The following TOP1 variants were observed in gnomAD, a reference collection of about 807,000 sequenced individuals.
The protein encoded by TOP1 is DNA topoisomerase I.
In TOP1, 10 loss-of-function variants were observed where a neutral mutation model predicts 111.1. The observed-to-expected ratio is 0.09, with a 90% CI of 0.06 to 0.15. The LOEUF is 0.15. Among genes scored for constraint, TOP1 ranks in the 10% least tolerant of loss-of-function variants. TOP1 has a pLI of 1.00. For synonymous variants in TOP1, 271 were observed against 302.9 expected (o/e 0.89, Z 1.10); for missense variants, 474 against 926.7 (o/e 0.51, Z 6.34).
intron 13 of TOP1, among the ~76,000 whole-genome samples, chr20:41,108,542 A>G (rs1319804323): frequency 6.6e-6 from 1 of 152,224 alleles, no homozygotes; most frequent in Admixed American, 6.5e-5. Flanking sequence ...TGAGAACCAC[A>G]ATAACACTTG....
chr20:41,080,077 C>G lies in TOP1; in HGVS notation c.336-8C>G. The G allele has an allele frequency of 6.3e-7, 1 of 1,586,556 alleles. No homozygotes were observed. The highest frequency in any genetic ancestry group is 2.2e-5 in the East Asian group (1 of 44,514). ...AGCACTCTGACCAGCAATTTTTTTT[C>G]TCTTTAGTCCACCACAAATTAAAGA... On this transcript the variant is annotated splice_region_variant and splice_polypyrimidine_tract_variant and intron_variant, in intron 5 of 20. Transcript: ENST00000361337. This position sits in a 1 kb window ranked among gnomAD's most constrained non-coding sequence, Gnocchi z 5.0.
At position 41,028,822 on chromosome 20, in the gene TOP1, C is replaced by G; in HGVS notation, c.-246C>G. On this transcript the variant is annotated 5_prime_UTR_variant, in exon 1 of 21. Transcript: ENST00000361337. ...AGCGGCCGCGCAGGCGCAGTGAGCC[C>G]AAATGCGAACTTAGGCTGTTACACA... 1.9e-6 allele frequency: 1 copy of G among 517,602 alleles called. No homozygotes were observed. The highest frequency in any genetic ancestry group is 2.4e-5 in the South Asian group (1 of 41,828). 32.1% of individuals were successfully genotyped at this position (517,602 alleles called of 1,614,324 possible).
chr20:41,052,351 G>A (rs2033416492), intron 2 of TOP1, among the ~76,000 whole-genome samples: 1 of 152,210 alleles, frequency 6.6e-6, no homozygotes, highest in South Asian at 2.1e-4. Context: ...GTTTGAACAT[G>A]TTTATCAAAG....
chr20:41,061,263 A>G lies in TOP1; in HGVS notation c.59-131A>G, dbSNP rs1444601336. ...CTTCTTTGTGAAAGCTTTTTTTTTC[A>G]GTGGCATGTGCTATTATGCCTACCA... On this transcript the variant is annotated intron_variant, in intron 2 of 20. Coordinates refer to ENST00000361337, the MANE Select transcript of TOP1 (RefSeq NM_003286.4). This position sits in a 1 kb window ranked among gnomAD's most constrained non-coding sequence, Gnocchi z 4.6. The G allele has an allele frequency of 4.1e-6, 3 of 739,714 alleles. No homozygotes were observed. Among genetic ancestry groups the G allele is most frequent in the Non-Finnish European group, 6.3e-6 (3 of 476,874 alleles). 45.8% of individuals were successfully genotyped at this position (739,714 alleles called of 1,614,324 possible). A position where few individuals can be genotyped will look rare whatever the true frequency, so the allele number is the denominator to read the frequency against.
rs564253901 is a variant in TOP1 at position 41,058,059 on chromosome 20, C to G, written c.59-3335C>G. Among the ~76,000 whole-genome samples, 1 of 152,288 alleles carries G rather than the reference C, an allele frequency of 6.6e-6. No individual in the cohort carries two copies. The highest frequency in any genetic ancestry group is 2.1e-4 in the South Asian group (1 of 4,828). Reference sequence around the variant, plus strand: ...TGTATGCTGCATGGAAGATTGAGTTCAAATCCTACTTCTGACACCATATGA... The same window carrying G: ...TGTATGCTGCATGGAAGATTGAGTTGAAATCCTACTTCTGACACCATATGA... On this transcript the variant is annotated intron_variant, in intron 2 of 20. Transcript: ENST00000361337. This position sits in a 1 kb window ranked among gnomAD's most constrained non-coding sequence, Gnocchi z 4.2.
rs765078782 is a variant in TOP1, at chr20:41,100,282, G to T, written c.1163+39G>T. 15 of 1,550,166 alleles carry T rather than the reference G, an allele frequency of 9.7e-6. No homozygotes were observed. In the Admixed American group the frequency reaches 1.4e-4, roughly 15 times the overall value. The stretch of plus-strand genomic sequence containing the variant: ...TCATCCTATGGGCCAAAAAGGGGGT[G>T]GAGGGCGTCCTTTATTGTACTTGGG... On this transcript the variant is annotated intron_variant, in intron 12 of 20. Transcript: ENST00000361337. The surrounding 1 kb of genome is among the most constrained non-coding windows in gnomAD (Gnocchi z 4.4).
At chr20:41,031,609 A>G (rs749166817) in intron 2 of TOP1, among the ~76,000 whole-genome samples, 15 of 152,218 alleles carry the variant, frequency 9.9e-5, no homozygotes, top group Non-Finnish European at 1.3e-4. Flanking sequence ...AGCTCTTTCC[A>G]TGGATCATCT....
In TOP1 at chr20:41,115,480, C is replaced by CAT. The variant is rs1386819496; in HGVS notation, c.1707+42_1707+43insTA. The CAT allele has an allele frequency of 6.9e-7, 1 of 1,452,968 alleles. No individual in the cohort carries two copies. The highest frequency in any genetic ancestry group is 9.7e-7 in the Non-Finnish European group (1 of 1,033,944). The allele number at this position is 1,452,968 out of a possible 1,614,324, so 90.0% of individuals were successfully genotyped here. A position where few individuals can be genotyped will look rare whatever the true frequency, so the allele number is the denominator to read the frequency against. ...ACACAATGTTGAAGGGAGTCCCAGC[C>CAT]AGAGCCTCACAGTACCTAAAGGGGA... On this transcript the variant is annotated intron_variant, in intron 16 of 20. Transcript: ENST00000361337. This position sits in a 1 kb window ranked among gnomAD's most constrained non-coding sequence, Gnocchi z 6.3.
intron 2 of TOP1, among the ~76,000 whole-genome samples, chr20:41,057,063 C>T (rs1442341078): frequency 2.0e-5 from 3 of 152,012 alleles, no homozygotes; most frequent in East Asian, 1.9e-4. Context: ...CTCAGGAGTT[C>T]GAGACCAGCC....
chr20:41,065,964 G>GA (rs913662003), intron 3 of TOP1, among the ~76,000 whole-genome samples: 33 of 149,398 alleles, frequency 2.2e-4, no homozygotes, highest in East Asian at 2.0e-3. Flanking sequence ...GATGTGGTGT[G>GA]AAAAAAAAAA....
intron 2 of TOP1, among the ~76,000 whole-genome samples, chr20:41,036,382 A>G (rs2033185529): frequency 6.6e-6 from 1 of 152,216 alleles, no homozygotes; most frequent in Non-Finnish European, 1.5e-5. Flanking sequence ...AAAAATCGAG[A>G]TAAGTCCCTG....
At position 41,116,156 on chromosome 20, in the gene TOP1, C is replaced by A. The variant is rs989440666; in HGVS notation, c.1708-122C>A. 6 of 631,364 alleles carry A rather than the reference C, an allele frequency of 9.5e-6. No homozygotes were observed. The highest frequency in any genetic ancestry group is 1.7e-5 in the Non-Finnish European group (6 of 353,036). The allele number at this position is 631,364 out of a possible 1,614,324, so 39.1% of individuals were successfully genotyped here. On this transcript the variant is annotated intron_variant, in intron 16 of 20. Transcript: ENST00000361337. This position sits in a 1 kb window ranked among gnomAD's most constrained non-coding sequence, Gnocchi z 5.6. Reference sequence around the variant, plus strand: ...AATTCTTTTCCTCTTTCCCTAACTTCCCACTTGTAGGGCAATAAACTTGAC... The same window carrying A: ...AATTCTTTTCCTCTTTCCCTAACTTACCACTTGTAGGGCAATAAACTTGAC...
chr20:41,056,106 C>T (rs1166900489), intron 2 of TOP1, among the ~76,000 whole-genome samples: 1 of 152,170 alleles, frequency 6.6e-6, no homozygotes, highest in Non-Finnish European at 1.5e-5. Context: ...CCACCACCAC[C>T]AGAGAGTATT....
Position 41,034,883 on chromosome 20 carries a change from C to T in TOP1, c.58+5428C>T, listed in dbSNP as rs1374443533. Among the ~76,000 whole-genome samples the T allele has an allele frequency of 6.0e-5, 9 of 149,072 alleles. No individual in the cohort carries two copies. The Admixed American group carries it at 6.0e-4, about 10-fold the overall frequency. The stretch of plus-strand genomic sequence containing the variant: ...TTTTAATTTTAACTTCTTTCCTTTA[C>T]TTTTTTTTTGGGCGGGGTGGGGGGC... On this transcript the variant is annotated intron_variant, in intron 2 of 20. Transcript: ENST00000361337. This position sits in a 1 kb window ranked among gnomAD's most constrained non-coding sequence, Gnocchi z 4.0.
rs976863356 is a variant in TOP1 at position 41,102,920 on chromosome 20, T to A, written c.1308+1567T>A. On this transcript the variant is annotated intron_variant, in intron 13 of 20. Coordinates refer to ENST00000361337, the MANE Select transcript of TOP1 (RefSeq NM_003286.4). This position sits in a 1 kb window ranked among gnomAD's most constrained non-coding sequence, Gnocchi z 4.0. ...CAGCACCTTAGAGATCAACAATAAC[T>A]TTATGAAGAAAAGTAGGTTATGGTT... Among the ~76,000 whole-genome samples the A allele has an allele frequency of 3.3e-5, 5 of 152,152 alleles. No individual in the cohort carries two copies. Among genetic ancestry groups the A allele is most frequent in the African/African-American group, 1.2e-4 (5 of 41,434 alleles).
At chr20:41,091,552 C>CTTTTTTT (rs532948716) in intron 8 of TOP1, among the ~76,000 whole-genome samples, 15 of 96,208 alleles carry the variant, frequency 1.6e-4, no homozygotes, top group Non-Finnish European at 1.7e-4. Context: ...AATTATTAAC[C>CTTTTTTT]TTTTTTTTTT....
chr20:41,092,124 A>G lies in TOP1; in HGVS notation c.615-348A>G, dbSNP rs1352293139. ...CCTTTTCCTTACAAACAATGTAAAC[A>G]ATCCCTCTGTCATGTATGCCATTGT... On this transcript the variant is annotated intron_variant, in intron 8 of 20. Coordinates refer to ENST00000361337, the MANE Select transcript of TOP1 (RefSeq NM_003286.4). The surrounding 1 kb of genome is among the most constrained non-coding windows in gnomAD (Gnocchi z 4.3). 6.6e-6 allele frequency among the ~76,000 whole-genome samples: 1 copy of G among 152,220 alleles called. No homozygotes were observed. The highest frequency in any genetic ancestry group is 1.5e-5 in the Non-Finnish European group (1 of 68,038).
chr20:41,044,534 A>C (rs2122600695), intron 2 of TOP1, among the ~76,000 whole-genome samples: 1 of 152,338 alleles, frequency 6.6e-6, no homozygotes, highest in South Asian at 2.1e-4. Context: ...CTGATTCTCC[A>C]GAGGTTCTGT....
chr20:41,084,218 C>T (rs2033820691), intron 7 of TOP1, among the ~76,000 whole-genome samples: 1 of 152,036 alleles, frequency 6.6e-6, no homozygotes, highest in Non-Finnish European at 1.5e-5. Context: ...CCAGTCTCTT[C>T]CCCTGCAGAG....
Sources: allele counts gnomAD v4.1 joint callset (sites outside exome capture counted in the v4.1 genomes callset), GRCh38; gene constraint gnomAD v4.1.1; non-coding constraint Gnocchi (gnomAD v3.1); transcripts MANE v1.5; gene names NCBI Gene and HGNC (gene_info 2026-07-23, HGNC 2026-07-21).